The following CFAP74 variants were observed in gnomAD, a reference collection of about 807,000 sequenced individuals.
CFAP74 encodes the protein cilia- and flagella-associated protein 74.
A neutral mutation model predicts 188.9 loss-of-function variants in CFAP74; 124 were observed. The observed-to-expected ratio is 0.66, with a 90% CI of 0.57 to 0.76. The LOEUF is 0.76. Among genes scored for constraint, CFAP74 ranks in the 30% least tolerant of loss-of-function variants. The pLI is 0.00. For missense variants in CFAP74, 2,198 were observed against 2,165.2 expected, an observed-to-expected ratio of 1.02 and a Z score of -0.30; for synonymous variants, 956 against 916.7, an observed-to-expected ratio of 1.04 and a Z score of -0.77.
intron 26 of CFAP74, among the ~76,000 whole-genome samples, chr1:1,929,253 C>A (rs377706226): frequency 4.1e-5 from 6 of 144,742 alleles, no homozygotes; most frequent in African/African-American, 1.6e-4. Flanking sequence ...TCCCTGCACA[C>A]ACCAGCCTTT....
In CFAP74 at chr1:1,987,404, C is replaced by A. The variant is rs577784183; in HGVS notation, c.297-369G>T. On this transcript the variant is annotated intron_variant, in intron 4 of 38. Coordinates refer to ENST00000682832, the MANE Select transcript of CFAP74 (RefSeq NM_001304360.2). ...GGAGCTGGAGCTCCTCCACCATCTT[C>A]CAGAGAGCGGGCCAGGCAGGCCCAG... 2.6e-5 allele frequency among the ~76,000 whole-genome samples: 4 copies of A among 152,294 alleles called. No individual in the cohort carries two copies. The South Asian group carries it at 8.3e-4, about 32-fold the overall frequency.
At chr1:1,927,194 G>T (rs1382272516) in intron 28 of CFAP74, 166 bp from the exon 29 acceptor site, 10 of 747,876 alleles carry the variant, frequency 1.3e-5, no homozygotes, top group Non-Finnish European at 1.9e-5. Flanking sequence ...TCTGGCTCCT[G>T]TGGGGGTCTC....
chr1:1,941,270 G>A (rs1011338880), intron 22 of CFAP74, among the ~76,000 whole-genome samples: 2 of 152,192 alleles, frequency 1.3e-5, no homozygotes, highest in African/African-American at 2.4e-5. Context: ...CACCAGGCCC[G>A]TGCCTGCTGC....
rs549456338 is a variant in CFAP74 at position 1,940,365 on chromosome 1, T to A, written c.2654A>T (p.Lys885Met). 1 of 1,535,520 alleles carries A rather than the reference T, an allele frequency of 6.5e-7. No homozygotes were observed. The highest frequency in any genetic ancestry group is 1.4e-5 in the African/African-American group (1 of 73,136). ...CGGGGCCTCCAGGACTCGGGTCTCC[T>A]TGTCAAAATACCTCCCTGCGTCCTC... ...LPEDAGRYFDKETRVLEAPMT... is the reference protein window; with the variant it reads ...LPEDAGRYFDMETRVLEAPMT... Residue 885 changes from lysine to methionine, a missense_variant, in exon 23 of 39, where the codon AAG (lysine) becomes ATG (methionine). Transcript: ENST00000682832.
At chr1:1,998,497 G>A (rs570306729) in intron 1 of CFAP74, among the ~76,000 whole-genome samples, 30 of 152,222 alleles carry the variant, frequency 2.0e-4, no homozygotes, top group Admixed American at 1.6e-3. Context: ...AGGCAGGGAC[G>A]GGCACCTGGG....
At position 1,923,273 on chromosome 1, in the gene CFAP74, C is replaced by G; in HGVS notation, c.4522+94G>C. On this transcript the variant is annotated intron_variant, in intron 36 of 38. Coordinates refer to ENST00000682832, the MANE Select transcript of CFAP74 (RefSeq NM_001304360.2). This position sits in a 1 kb window ranked among gnomAD's most constrained non-coding sequence, Gnocchi z 6.3. ...GGCTCTGGGGTAGAAGGCTGGGAAT[C>G]CCTGCCCTGCTCCGCTGGGTCTCGG... 3.3e-6 allele frequency: 5 copies of G among 1,497,936 alleles called. No homozygotes were observed. Among genetic ancestry groups the G allele is most frequent in the Non-Finnish European group, 4.5e-6 (5 of 1,115,462 alleles). 92.8% of individuals were successfully genotyped at this position (1,497,936 alleles called of 1,614,324 possible).
chr1:1,938,093 A>G (rs1408425809), intron 25 of CFAP74, among the ~76,000 whole-genome samples: 1 of 148,266 alleles, frequency 6.7e-6, no homozygotes, highest in African/African-American at 2.5e-5. Context: ...ACTCACACTC[A>G]ACCTTACACA....
chr1:1,994,706 T>C (rs967342943), intron 1 of CFAP74, among the ~76,000 whole-genome samples: 12 of 152,274 alleles, frequency 7.9e-5, no homozygotes, highest in Non-Finnish European at 1.6e-4. Context: ...TTCTAAAAGG[T>C]GTCATTGCAC....
intron 33 of CFAP74, among the ~76,000 whole-genome samples, chr1:1,924,943 G>A (rs1006846550): frequency 1.3e-5 from 2 of 152,230 alleles, no homozygotes; most frequent in Admixed American, 1.3e-4. Flanking sequence ...GGAGAAGCAG[G>A]TGTCCCTCCC....
chr1:1,972,304 C>T (rs1354733016), intron 8 of CFAP74, among the ~76,000 whole-genome samples: 1 of 152,222 alleles, frequency 6.6e-6, no homozygotes, highest in Non-Finnish European at 1.5e-5. Context: ...TTACAGGAGC[C>T]TCGGTGCTAT....
chr1:1,994,893 C>A (rs1380302095), intron 1 of CFAP74, among the ~76,000 whole-genome samples: 1 of 152,160 alleles, frequency 6.6e-6, no homozygotes, highest in Non-Finnish European at 1.5e-5. Context: ...TTGGGAGAAA[C>A]AGGAGCAAAG....
Position 1,975,555 on chromosome 1 carries a change from CT to C in CFAP74, c.501-1358del. On this transcript the variant is annotated intron_variant, in intron 6 of 38. Transcript: ENST00000682832. The surrounding 1 kb of genome is among the most constrained non-coding windows in gnomAD (Gnocchi z 4.5). ...AGGTTGTGTCACTGCATTTTAGAAA[CT>C]GGGCATACCATGTTCTTTGTTGGGG... Among the ~76,000 whole-genome samples the C allele has an allele frequency of 6.6e-6, 1 of 152,276 alleles. No individual in the cohort carries two copies. Among genetic ancestry groups the C allele is most frequent in the East Asian group, 1.9e-4 (1 of 5,174 alleles).
At chr1:1,991,866 C>T (rs530750222) in intron 1 of CFAP74, among the ~76,000 whole-genome samples, 226 of 151,742 alleles carry the variant, frequency 1.5e-3, no homozygotes, top group African/African-American at 2.3e-3. Context: ...AGTGAAACCC[C>T]ATCTCTACTA....
intron 19 of CFAP74, 44 bp from the exon 20 acceptor site, chr1:1,946,483 T>G: frequency 2.7e-6 from 4 of 1,494,004 alleles, no homozygotes; most frequent in Non-Finnish European, 3.6e-6. Flanking sequence ...GCTTCATGGC[T>G]TTTAAGATCC....
chr1:1,998,975 C>T (rs892071684), intron 1 of CFAP74, among the ~76,000 whole-genome samples: 2 of 152,204 alleles, frequency 1.3e-5, no homozygotes, highest in African/African-American at 4.8e-5. Flanking sequence ...GTCAGGAAGT[C>T]AGTTCCTTCC....
At chr1:1,983,470 C>A (rs534549774) in intron 6 of CFAP74, among the ~76,000 whole-genome samples, 1 of 152,210 alleles carries the variant, frequency 6.6e-6, no homozygotes, top group African/African-American at 2.4e-5. Flanking sequence ...GGGCGCTGTG[C>A]GGGACAGCCC....
intron 9 of CFAP74, among the ~76,000 whole-genome samples, 183 bp from the exon 10 acceptor site, chr1:1,970,999 CGCACACCTGCACATGCACACATCACACAT>C (rs1655948450): frequency 6.7e-6 from 1 of 149,492 alleles, no homozygotes; most frequent in Non-Finnish European, 1.5e-5. Flanking sequence ...CACACACACA[CGCACACCTGCACATGCACACATCACACAT>C]GCACACCTGC....
At chr1:1,926,864 A>G in intron 29 of CFAP74, 30 bp downstream of exon 29, 3 of 1,549,626 alleles carry the variant, frequency 1.9e-6, no homozygotes, top group Non-Finnish European at 2.6e-6. Flanking sequence ...GCGGCTGACC[A>G]CACCCTGTTC....
In CFAP74 at chr1:1,994,694, T is replaced by C. The variant is rs149332337; in HGVS notation, c.-19-3719A>G. On this transcript the variant is annotated intron_variant, in intron 1 of 38. Coordinates refer to ENST00000682832, the MANE Select transcript of CFAP74 (RefSeq NM_001304360.2). ...TTGCTGGACACCCCGTGGATGTCAG[T>C]CTTCTAAAAGGTGTCATTGCACACA... is the stretch of plus-strand genomic sequence containing the variant. 2.8e-4 allele frequency among the ~76,000 whole-genome samples: 42 copies of C among 152,294 alleles called. No individual in the cohort carries two copies. The East Asian group carries it at 7.9e-3, about 29-fold the overall frequency.
Sources: allele counts gnomAD v4.1 joint callset (sites outside exome capture counted in the v4.1 genomes callset), GRCh38; gene constraint gnomAD v4.1.1; non-coding constraint Gnocchi (gnomAD v3.1); transcripts MANE v1.5; gene names NCBI Gene and HGNC (gene_info 2026-07-23, HGNC 2026-07-21).